Variants in SARDH observed in about 807,000 individuals in gnomAD.
SARDH encodes the protein sarcosine dehydrogenase, mitochondrial.
In SARDH, 95 loss-of-function variants were observed where a neutral mutation model predicts 109.1. The ratio of observed to expected loss-of-function variants is 0.87; its 90% confidence interval spans 0.74 to 1.03. The LOEUF is 1.03. SARDH is among the 50% of genes least tolerant of loss of function. SARDH has a pLI of 0.00. For synonymous variants in SARDH, 572 were observed against 534.8 expected (o/e 1.07, Z -0.96); for missense variants, 1,267 against 1,287.8 (o/e 0.98, Z 0.25).
chr9:133,698,056 A>C (rs540892915), intron 13 of SARDH, among the ~76,000 whole-genome samples: 1 of 151,896 alleles, frequency 6.6e-6, no homozygotes, highest in East Asian at 1.9e-4. Context: ...GAACTAATAA[A>C]ATAGTTCAAC....
chr9:133,731,258 G>A, intron 4 of SARDH, 47 bp downstream of exon 4: 1 of 1,603,180 alleles, frequency 6.2e-7, no homozygotes, highest in Non-Finnish European at 8.5e-7. Context: ...TAAGGCAGGA[G>A]GAGTGGGCTG....
intron 17 of SARDH, among the ~76,000 whole-genome samples, chr9:133,681,504 C>T (rs1413735326): frequency 6.6e-6 from 1 of 152,186 alleles, no homozygotes; most frequent in Admixed American, 6.5e-5. Flanking sequence ...GCTGCAGGTC[C>T]CTTCCTGGGC....
chr9:133,730,102 T>A lies in SARDH; in HGVS notation c.776A>T (p.His259Leu). The change falls in exon 5 of 21, where the codon CAT (histidine) becomes CTT (leucine). Residue 259 changes from histidine to leucine, a missense_variant. Transcript: ENST00000439388. ...CACGCAGGGTGTCTGGATGGAACCA[T>A]GCTGAGTCTCCACACCCGCGACCCG... ...VRRVAGVETQ[H>L]GSIQTPCVVN... 6.2e-7 allele frequency: 1 copy of A among 1,614,194 alleles called. No individual in the cohort carries two copies. Among genetic ancestry groups the A allele is most frequent in the Non-Finnish European group, 8.5e-7 (1 of 1,180,028 alleles).
chr9:133,712,899 A>T lies in SARDH; in HGVS notation c.1237+139T>A. 6 of 1,000,418 alleles carry T rather than the reference A, an allele frequency of 6.0e-6. No homozygotes were observed. The East Asian group carries it at 1.6e-4, about 26-fold the overall frequency. The allele number at this position is 1,000,418 out of a possible 1,614,324, so 62.0% of individuals were successfully genotyped here. ...GGCACAGGTGCACTCTCTGGGAAGC[A>T]GAAGGGGCTGGACTCCCCAGCCTCT... On this transcript the variant is annotated intron_variant, in intron 9 of 20. Transcript: ENST00000439388. This position sits in a 1 kb window ranked among gnomAD's most constrained non-coding sequence, Gnocchi z 4.1.
Position 133,671,709 on chromosome 9 carries a change from G to C in SARDH, c.2164-12C>G. On this transcript the variant is annotated splice_polypyrimidine_tract_variant and intron_variant, in intron 17 of 20. Transcript: ENST00000439388. ...CGCATGGCTCGGACCTGGGGGACAA[G>C]GTCATGGCTTAGATGTGGCCATGTA... The C allele has an allele frequency of 6.4e-7, 1 of 1,560,162 alleles. No individual in the cohort carries two copies. Among genetic ancestry groups the C allele is most frequent in the Non-Finnish European group, 8.7e-7 (1 of 1,152,278 alleles).
At chr9:133,701,034 C>A (rs946523816) in intron 13 of SARDH, among the ~76,000 whole-genome samples, 1 of 152,230 alleles carries the variant, frequency 6.6e-6, no homozygotes, top group African/African-American at 2.4e-5. Flanking sequence ...TCATATTACC[C>A]CTCACATACT....
chr9:133,680,634 C>T (rs1409930402), intron 17 of SARDH, among the ~76,000 whole-genome samples: 1 of 152,238 alleles, frequency 6.6e-6, no homozygotes, highest in African/African-American at 2.4e-5. Flanking sequence ...CTGGCCGCTC[C>T]GTCCTCCACA....
chr9:133,719,152 G>C, intron 6 of SARDH, 110 bp from the exon 7 acceptor site: 1 of 843,362 alleles, frequency 1.2e-6, no homozygotes, highest in Non-Finnish European at 2.0e-6. Context: ...GGCTCGAGAT[G>C]GTCCTTCTCG....
intron 12 of SARDH, 57 bp from the exon 13 acceptor site, chr9:133,703,086 C>A: frequency 6.8e-7 from 1 of 1,467,548 alleles, no homozygotes; most frequent in South Asian, 1.2e-5. Context: ...CCGCTTCCCT[C>A]CCCAGAGCGG....
At chr9:133,698,014 A>G (rs1831346570) in intron 13 of SARDH, among the ~76,000 whole-genome samples, 1 of 150,390 alleles carries the variant, frequency 6.6e-6, no homozygotes, top group South Asian at 2.1e-4. Context: ...TCCACTAAAA[A>G]AAAAAAAGAA....
intron 17 of SARDH, among the ~76,000 whole-genome samples, chr9:133,678,376 T>G (rs1354084851): frequency 6.6e-6 from 1 of 152,170 alleles, no homozygotes; most frequent in Non-Finnish European, 1.5e-5. Context: ...CATCCCCTCT[T>G]GTCTCCCGCC....
In SARDH at chr9:133,704,903, C is replaced by T; in HGVS notation, c.1554+45G>A. On this transcript the variant is annotated intron_variant, in intron 12 of 20. Coordinates refer to ENST00000439388, the MANE Select transcript of SARDH (RefSeq NM_001134707.2). The surrounding 1 kb of genome is among the most constrained non-coding windows in gnomAD (Gnocchi z 4.5). ...GCACGTGGAGGGGCAAGGGGGTTGT[C>T]AGGGCAGGGCCTCCCAGCAGCACAG... 6.6e-7 allele frequency: 1 copy of T among 1,519,220 alleles called. No homozygotes were observed. 94.1% of individuals were successfully genotyped at this position (1,519,220 alleles called of 1,614,324 possible).
intron 16 of SARDH, among the ~76,000 whole-genome samples, chr9:133,687,906 T>C (rs547586062): frequency 9.8e-4 from 150 of 152,308 alleles, no homozygotes; most frequent in Non-Finnish European, 1.2e-3. Context: ...AGTTAAGAAA[T>C]TACCAGGAGG....
chr9:133,717,262 T>A, intron 8 of SARDH, 64 bp downstream of exon 8: 1 of 1,596,320 alleles, frequency 6.3e-7, no homozygotes, highest in South Asian at 1.1e-5. Flanking sequence ...GGGGCATCAC[T>A]ACTAACAGTC....
At chr9:133,683,279 G>A (rs576919219) in intron 17 of SARDH, among the ~76,000 whole-genome samples, 2 of 152,218 alleles carry the variant, frequency 1.3e-5, no homozygotes, top group African/African-American at 2.4e-5. Flanking sequence ...TGCTGGAGTG[G>A]CCGTGCGGGT....
Position 133,666,908 on chromosome 9 carries a change from C to A in SARDH, c.2496-38G>T. 6.2e-7 allele frequency: 1 copy of A among 1,610,586 alleles called. No individual in the cohort carries two copies. The highest frequency in any genetic ancestry group is 1.3e-5 in the African/African-American group (1 of 75,028). The stretch of plus-strand genomic sequence containing the variant: ...GTAGAGAAAGCTGGGGCCCCAGAAA[C>A]CGCAGGGTGGGGACGCGTCCACAGC... On this transcript the variant is annotated intron_variant, in intron 19 of 20. Coordinates refer to ENST00000439388, the MANE Select transcript of SARDH (RefSeq NM_001134707.2). The surrounding 1 kb of genome is among the most constrained non-coding windows in gnomAD (Gnocchi z 5.2).
chr9:133,725,502 G>A (rs1035883592), intron 6 of SARDH: 7 of 434,648 alleles, frequency 1.6e-5, no homozygotes, highest in African/African-American at 8.1e-5. Context: ...GTGAAACTCC[G>A]TCTCTACTAA....
At chr9:133,708,135 G>A (rs1246823574) in intron 11 of SARDH, 152 bp downstream of exon 11, 2 of 839,004 alleles carry the variant, frequency 2.4e-6, no homozygotes, top group Admixed American at 3.1e-5. Context: ...CAACACATGG[G>A]GGTGCCGGGT....
At chr9:133,707,340 C>G (rs903697433) in intron 11 of SARDH, among the ~76,000 whole-genome samples, 2 of 152,168 alleles carry the variant, frequency 1.3e-5, no homozygotes, top group African/African-American at 4.8e-5. Context: ...GGCGTGATTA[C>G]TGATTACAGG....
Sources: gnomAD v4.1 joint callset for allele counts (sites outside exome capture counted in the v4.1 genomes callset) on GRCh38, gnomAD v4.1.1 for gene constraint, Gnocchi (gnomAD v3.1) non-coding constraint, MANE v1.5 for transcripts, NCBI Gene and HGNC (gene_info 2026-07-23, HGNC 2026-07-21) for gene names.